Variants in C4orf33 observed in about 807,000 individuals in gnomAD.
C4orf33 encodes chromosome 4 open reading frame 33, also known as UPF0462 protein C4orf33.
C4orf33 carries 20 observed loss-of-function variants against 24.3 expected under a neutral mutation model. That is an observed-to-expected ratio of 0.82 (90% CI 0.58 to 1.19). C4orf33 has a LOEUF of 1.19. Ranked by LOEUF, C4orf33 falls within the 50% of genes most tolerant of loss-of-function variation. The pLI is 0.00. For synonymous variants in C4orf33, 67 were observed against 76.4 expected, an observed-to-expected ratio of 0.88 and a Z score of 0.64; for missense variants, 207 against 225.9, an observed-to-expected ratio of 0.92 and a Z score of 0.54.
At chr4:129,097,199 G>A (rs929516663) in intron 1 of C4orf33, among the ~76,000 whole-genome samples, 2 of 152,224 alleles carry the variant, frequency 1.3e-5, no homozygotes, top group Middle Eastern at 3.4e-3. Context: ...GAGCCACCGC[G>A]CCCGGCCAAA....
At position 129,101,402 on chromosome 4, in the gene C4orf33, G is replaced by T. The variant is rs186622300; in HGVS notation, c.-9-1200G>T. On this transcript the variant is annotated intron_variant, in intron 1 of 5. Coordinates refer to ENST00000425929, the MANE Select transcript of C4orf33 (RefSeq NM_001099783.2). ...ATACATTCAAAGATTTCAGATAAAA[G>T]AAGTTACAGTTTGGAAAGGTTATCA... Among the ~76,000 whole-genome samples the T allele has an allele frequency of 4.3e-4, 66 of 152,086 alleles. No homozygotes were observed. In the East Asian group the frequency reaches 0.013, roughly 29 times the overall value.
chr4:129,108,319 T>C (rs1290144530), intron 3 of C4orf33, among the ~76,000 whole-genome samples: 1 of 152,172 alleles, frequency 6.6e-6, no homozygotes, highest in East Asian at 1.9e-4. Context: ...TGTAAATACA[T>C]GAAATCCTTT....
intron 3 of C4orf33, among the ~76,000 whole-genome samples, chr4:129,107,546 TA>T (rs1415281996): frequency 6.6e-6 from 1 of 152,050 alleles, no homozygotes. Flanking sequence ...TATTTTCTTT[TA>T]TTTTGATATT....
intron 1 of C4orf33, among the ~76,000 whole-genome samples, chr4:129,100,122 A>G (rs1465909997): frequency 6.6e-6 from 1 of 152,204 alleles, no homozygotes; most frequent in Non-Finnish European, 1.5e-5. Context: ...AGGAACCAGT[A>G]GAAAGGTTTG....
intron 5 of C4orf33, 58 bp from the exon 6 acceptor site, chr4:129,111,628 A>G: frequency 2.0e-6 from 2 of 999,824 alleles, no homozygotes; most frequent in Non-Finnish European, 3.1e-6. Flanking sequence ...CTTCAGGACA[A>G]CTATTTCACA....
At chr4:129,109,815 G>T (rs1232031547) in intron 5 of C4orf33, 143 bp downstream of exon 5, 1 of 893,082 alleles carries the variant, frequency 1.1e-6, no homozygotes, top group East Asian at 2.7e-5. Context: ...TTCACTGATG[G>T]TCCTCAGAAA....
rs1009904486 is a variant in C4orf33, at chr4:129,116,101, C to A, written c.*4310C>A. On this transcript the variant is annotated 3_prime_UTR_variant, in exon 6 of 6. Coordinates refer to ENST00000425929, the MANE Select transcript of C4orf33 (RefSeq NM_001099783.2). ...ACACATGTATGAGGAATATAGGAAG[C>A]CAGAAATCATGAATCTATGAAAAGT... The A allele has an allele frequency of 2.0e-5, 3 of 151,526 alleles. No homozygotes were observed. The highest frequency in any genetic ancestry group is 7.3e-5 in the African/African-American group (3 of 41,262). The allele number at this position is 151,526 out of a possible 1,614,324, so 9.4% of individuals were successfully genotyped here.
chr4:129,111,887 TCAA>T lies in C4orf33; in HGVS notation c.*103_*105del. On this transcript the variant is annotated 3_prime_UTR_variant, in exon 6 of 6. Transcript: ENST00000425929. ...TTTTTTAAGATGTCATGCATACATTTCAACAACAAATATCTTCATAGAAGTCAC... is the reference window on the plus strand; with the variant it reads ...TTTTTTAAGATGTCATGCATACATTTCAACAAATATCTTCATAGAAGTCAC... The T allele has an allele frequency of 1.6e-6, 1 of 611,342 alleles. No individual in the cohort carries two copies. Among genetic ancestry groups the T allele is most frequent in the Non-Finnish European group, 2.8e-6 (1 of 351,310 alleles). 37.9% of individuals were successfully genotyped at this position (611,342 alleles called of 1,614,324 possible). A position where few individuals can be genotyped will look rare whatever the true frequency, so the allele number is the denominator to read the frequency against.
chr4:129,098,040 T>C (rs1296842716), intron 1 of C4orf33, among the ~76,000 whole-genome samples: 2 of 152,244 alleles, frequency 1.3e-5, no homozygotes, highest in African/African-American at 4.8e-5. Flanking sequence ...AAATTAGTTA[T>C]TTGTATCAAG....
chr4:129,099,272 C>G (rs1172697884), intron 1 of C4orf33, among the ~76,000 whole-genome samples: 1 of 152,098 alleles, frequency 6.6e-6, no homozygotes, highest in Non-Finnish European at 1.5e-5. Context: ...TGAGAACCAT[C>G]CCAAACTCCT....
At chr4:129,097,381 T>A (rs1002823874) in intron 1 of C4orf33, among the ~76,000 whole-genome samples, 2 of 152,242 alleles carry the variant, frequency 1.3e-5, no homozygotes, top group African/African-American at 2.4e-5. Context: ...CACTCGTTTC[T>A]TGGATGTTTC....
At chr4:129,095,243 C>T (rs1031760412), upstream of C4orf33, among the ~76,000 whole-genome samples, 1 of 152,152 alleles carries the variant, frequency 6.6e-6, no homozygotes, top group African/African-American at 2.4e-5. Flanking sequence ...AGGATCCCCT[C>T]TCATGTTCCT....
chr4:129,105,079 A>C (rs1408337816), intron 2 of C4orf33, among the ~76,000 whole-genome samples: 1 of 152,038 alleles, frequency 6.6e-6, no homozygotes, highest in East Asian at 1.9e-4. Context: ...ATGGAGAGAA[A>C]GAGAGAGATC....
At chr4:129,106,278 A>G (rs1415584267) in intron 2 of C4orf33, among the ~76,000 whole-genome samples, 1 of 152,096 alleles carries the variant, frequency 6.6e-6, no homozygotes, top group Admixed American at 6.6e-5. Context: ...TTCTTAAGAT[A>G]AATTCCTAGA....
intron 5 of C4orf33, chr4:129,109,998 G>A: frequency 9.0e-7 from 1 of 1,105,294 alleles, no homozygotes; most frequent in South Asian, 2.6e-5. Context: ...CAGAGCTAAA[G>A]GGCCAGAGGC....
In C4orf33 at chr4:129,111,883, C is replaced by A; in HGVS notation, c.*92C>A. The A allele has an allele frequency of 1.6e-6, 1 of 623,730 alleles. No homozygotes were observed. The highest frequency in any genetic ancestry group is 2.8e-6 in the Non-Finnish European group (1 of 361,786). 38.6% of individuals were successfully genotyped at this position (623,730 alleles called of 1,614,324 possible). A position where few individuals can be genotyped will look rare whatever the true frequency, so the allele number is the denominator to read the frequency against. On this transcript the variant is annotated 3_prime_UTR_variant, in exon 6 of 6. Coordinates refer to ENST00000425929, the MANE Select transcript of C4orf33 (RefSeq NM_001099783.2). ...TCAATTTTTTAAGATGTCATGCATA[C>A]ATTTCAACAACAAATATCTTCATAG... is the stretch of plus-strand genomic sequence containing the variant.
rs530695766 is a variant in C4orf33 at position 129,114,331 on chromosome 4, A to C, written c.*2540A>C. ...TCTCTGTTACATCCCTCAGTTTAACAATTTATGGTCCCTTCCACACAGCTC... is the reference window on the plus strand; with the variant it reads ...TCTCTGTTACATCCCTCAGTTTAACCATTTATGGTCCCTTCCACACAGCTC... On this transcript the variant is annotated 3_prime_UTR_variant, in exon 6 of 6. Transcript: ENST00000425929. 8.5e-5 allele frequency: 13 copies of C among 152,332 alleles called. No individual in the cohort carries two copies. The highest frequency in any genetic ancestry group is 6.5e-4 in the Admixed American group (10 of 15,294). 9.4% of individuals were successfully genotyped at this position (152,332 alleles called of 1,614,324 possible).
chr4:129,109,735 G>A (rs1580017430), intron 5 of C4orf33, 63 bp downstream of exon 5: 2 of 1,350,144 alleles, frequency 1.5e-6, no homozygotes, highest in East Asian at 4.7e-5. Flanking sequence ...TTAATTCTTA[G>A]TGGAGCAGAA....
chr4:129,101,559 A>G (rs1402205603), intron 1 of C4orf33, among the ~76,000 whole-genome samples: 11 of 152,110 alleles, frequency 7.2e-5, no homozygotes, highest in African/African-American at 2.2e-4. Context: ...AACATTGTTG[A>G]CATTGGTTTA....
Sources: allele counts gnomAD v4.1 joint callset (sites outside exome capture counted in the v4.1 genomes callset), GRCh38; gene constraint gnomAD v4.1.1; transcripts MANE v1.5; gene names NCBI Gene and HGNC (gene_info 2026-07-23, HGNC 2026-07-21).